The following CSF2RB variants were observed in gnomAD, a reference collection of about 807,000 sequenced individuals.
CSF2RB encodes the protein colony stimulating factor 2 receptor subunit beta, also known as cytokine receptor common subunit beta.
CSF2RB carries 22 observed loss-of-function variants against 67.2 expected under a neutral mutation model. That is an observed-to-expected ratio of 0.33 (90% CI 0.23 to 0.47). The LOEUF is 0.47. CSF2RB is among the 20% of genes least tolerant of loss of function. The pLI is 1.00. For missense variants in CSF2RB, 1,113 were observed against 1,174.5 expected, an observed-to-expected ratio of 0.95 and a Z score of 0.76; for synonymous variants, 507 against 482.9, an observed-to-expected ratio of 1.05 and a Z score of -0.65.
At chr22:36,917,979 T>C (rs1013416704) in intron 1 of CSF2RB, among the ~76,000 whole-genome samples, 5 of 152,116 alleles carry the variant, frequency 3.3e-5, no homozygotes, top group African/African-American at 1.2e-4. Flanking sequence ...AGCATTTGGG[T>C]TTATTTAGCA....
chr22:36,921,215 C>T (rs1348197670), intron 1 of CSF2RB, among the ~76,000 whole-genome samples: 6 of 138,846 alleles, frequency 4.3e-5, no homozygotes, highest in South Asian at 2.5e-4. Flanking sequence ...CTGTGTTGTT[C>T]ATGTGTGTAT....
rs1213380669 is a variant in CSF2RB at position 36,937,903 on chromosome 22, T to C, written c.2095T>C (p.Ser699Pro). 1.2e-6 allele frequency: 2 copies of C among 1,614,118 alleles called. No homozygotes were observed. Among genetic ancestry groups the C allele is most frequent in the Admixed American group, 3.3e-5 (2 of 60,024 alleles). ...KDSPVAIPMS[S>P]GDTEDPGVAS... ...CAGCCCTGTGGCTATACCCATGAGC[T>C]CTGGGGACACTGAGGACCCTGGAGT... Residue 699 changes from serine (S) to proline (P), a missense_variant, in exon 14 of 14, where the codon TCT becomes CCT. By Grantham distance (74) the Ser-to-Pro change is moderately conservative. Around this residue, in one of 2 missense-constraint regions of CSF2RB, gnomAD observed 554 missense variants for 517.9 expected, o/e 1.07. Coordinates refer to ENST00000403662, the MANE Select transcript of CSF2RB (RefSeq NM_000395.3). The surrounding 1 kb of genome is among the most constrained non-coding windows in gnomAD (Gnocchi z 4.6).
chr22:36,925,703 C>T (rs1940998614), intron 3 of CSF2RB, among the ~76,000 whole-genome samples: 1 of 152,198 alleles, frequency 6.6e-6, no homozygotes, highest in Admixed American at 6.5e-5. Flanking sequence ...CCTGCTTGTC[C>T]CATATTTCAA....
At chr22:36,936,456 T>C in intron 12 of CSF2RB, 93 bp from the exon 13 acceptor site, 5 of 935,150 alleles carry the variant, frequency 5.3e-6, no homozygotes, top group Non-Finnish European at 8.7e-6. Context: ...GTCTGGGGGC[T>C]CCTTGAATCC....
Position 36,930,917 on chromosome 22 carries a change from G to A in CSF2RB, c.1012+87G>A, listed in dbSNP as rs1941136500. ...CCCGAATCAGTTCAGGGTTCCTCCT[G>A]GCCCCGTCTTCATGTTTGTCACTTT... On this transcript the variant is annotated intron_variant, in intron 8 of 13. Coordinates refer to ENST00000403662, the MANE Select transcript of CSF2RB (RefSeq NM_000395.3). The A allele has an allele frequency of 4.0e-6, 6 of 1,490,294 alleles. No homozygotes were observed. In the South Asian group the frequency reaches 5.7e-5, roughly 14 times the overall value. The allele number at this position is 1,490,294 out of a possible 1,614,324, so 92.3% of individuals were successfully genotyped here.
chr22:36,919,668 C>T (rs1211184169), intron 1 of CSF2RB, among the ~76,000 whole-genome samples: 1 of 152,108 alleles, frequency 6.6e-6, no homozygotes, highest in Non-Finnish European at 1.5e-5. Context: ...ACCTTGGCCT[C>T]CCAAAGTGCT....
chr22:36,927,863 C>T (rs1283378346), intron 4 of CSF2RB, among the ~76,000 whole-genome samples: 1 of 152,150 alleles, frequency 6.6e-6, no homozygotes, highest in Non-Finnish European at 1.5e-5. Flanking sequence ...GAGATGGGGA[C>T]ATGAGGGCAT....
At chr22:36,928,377 G>A (rs951348964) in intron 4 of CSF2RB, among the ~76,000 whole-genome samples, 5 of 152,172 alleles carry the variant, frequency 3.3e-5, no homozygotes, top group African/African-American at 1.2e-4. Context: ...AGCCTCGGGG[G>A]CTGGGAGTGC....
chr22:36,936,696 G>C, intron 13 of CSF2RB, 44 bp downstream of exon 13: 1 of 1,526,044 alleles, frequency 6.6e-7, no homozygotes, highest in South Asian at 1.1e-5. Flanking sequence ...GGGTTCATAC[G>C]GGGGGCTGAC....
chr22:36,938,360 T>C lies in CSF2RB; in HGVS notation c.2552T>C (p.Leu851Pro), dbSNP rs1941321570. The C allele has an allele frequency of 6.2e-7, 1 of 1,614,134 alleles. No individual in the cohort carries two copies. Among genetic ancestry groups the C allele is most frequent in the Non-Finnish European group, 8.5e-7 (1 of 1,180,008 alleles). The change falls in exon 14 of 14, where the codon CTA becomes CCA. Residue 851 changes from leucine (L) to proline (P), a missense_variant. Transcript: ENST00000403662. ...SPGPGPEIKNLDQAFQVKKPP... is the reference protein window; with the variant it reads ...SPGPGPEIKNPDQAFQVKKPP... Reference sequence around the variant, plus strand: ...GGACCCGGTCCTGAGATCAAGAACCTAGACCAGGCTTTTCAAGTCAAGAAG... The same window carrying C: ...GGACCCGGTCCTGAGATCAAGAACCCAGACCAGGCTTTTCAAGTCAAGAAG...
chr22:36,936,802 G>T (rs895745912), intron 13 of CSF2RB, 150 bp downstream of exon 13: 1 of 643,830 alleles, frequency 1.6e-6, no homozygotes, highest in African/African-American at 1.8e-5. Context: ...GAGGCACCTG[G>T]GGGGGATGTG....
chr22:36,917,026 C>A (rs1291789629), intron 1 of CSF2RB, among the ~76,000 whole-genome samples: 1 of 152,134 alleles, frequency 6.6e-6, no homozygotes, highest in East Asian at 1.9e-4. Context: ...ACTAACGTGC[C>A]CCCTTGACTC....
intron 3 of CSF2RB, among the ~76,000 whole-genome samples, chr22:36,925,452 T>C (rs1379374855): frequency 6.6e-6 from 1 of 152,188 alleles, no homozygotes; most frequent in Non-Finnish European, 1.5e-5. Flanking sequence ...TCATGACTGT[T>C]TCCCACTCAC....
At chr22:36,915,029 A>G (rs1940686613) in intron 1 of CSF2RB, among the ~76,000 whole-genome samples, 1 of 152,010 alleles carries the variant, frequency 6.6e-6, no homozygotes, top group Admixed American at 6.6e-5. Context: ...CTTCCAGAAC[A>G]TTTTCTAAGC....
At chr22:36,936,517 G>T (rs756806959) in intron 12 of CSF2RB, 32 bp from the exon 13 acceptor site, 1 of 1,608,560 alleles carries the variant, frequency 6.2e-7, no homozygotes, top group Non-Finnish European at 8.5e-7. Flanking sequence ...ACCTCCTGAT[G>T]CTCACCGGCC....
intron 1 of CSF2RB, among the ~76,000 whole-genome samples, chr22:36,916,983 A>G (rs764734221): frequency 6.6e-6 from 1 of 152,234 alleles, no homozygotes; most frequent in Non-Finnish European, 1.5e-5. Context: ...GACAATAGTG[A>G]GAGCCTCCTG....
intron 3 of CSF2RB, 73 bp from the exon 4 acceptor site, chr22:36,925,914 G>A: frequency 1.3e-6 from 2 of 1,508,024 alleles, no homozygotes; most frequent in Non-Finnish European, 1.8e-6. Context: ...GGCATGTGGT[G>A]AGCACTCGAG....
chr22:36,919,813 A>G (rs1215774279), intron 1 of CSF2RB, among the ~76,000 whole-genome samples: 5 of 152,042 alleles, frequency 3.3e-5, no homozygotes, highest in African/African-American at 1.2e-4. Context: ...TGATTCTCAA[A>G]TCTCCCTGAG....
At position 36,938,972 on chromosome 22, in the gene CSF2RB, C is replaced by T; in HGVS notation, c.*470C>T. ...CCCCGGCAGTCGCTGATGCACATGACATGATTCTCATCTGGGTGCAGAGGT... is the reference window on the plus strand; with the variant it reads ...CCCCGGCAGTCGCTGATGCACATGATATGATTCTCATCTGGGTGCAGAGGT... On this transcript the variant is annotated 3_prime_UTR_variant, in exon 14 of 14. Transcript: ENST00000403662. The T allele has an allele frequency of 3.3e-6, 2 of 608,014 alleles. No homozygotes were observed. Among genetic ancestry groups the T allele is most frequent in the Non-Finnish European group, 5.9e-6 (2 of 339,732 alleles). 37.7% of individuals were successfully genotyped at this position (608,014 alleles called of 1,614,324 possible).
Sources: allele counts gnomAD v4.1 joint callset (sites outside exome capture counted in the v4.1 genomes callset), GRCh38; gene constraint gnomAD v4.1.1; regional missense constraint gnomAD v4.1.1; non-coding constraint Gnocchi (gnomAD v3.1); transcripts MANE v1.5; gene names NCBI Gene and HGNC (gene_info 2026-07-23, HGNC 2026-07-21).